Variants in EPS15 observed in about 807,000 individuals in gnomAD.
EPS15 encodes the protein epidermal growth factor receptor pathway substrate 15, also known as epidermal growth factor receptor substrate 15.
A neutral mutation model predicts 113.8 loss-of-function variants in EPS15; 72 were observed. The ratio of observed to expected loss-of-function variants is 0.63; its 90% confidence interval spans 0.52 to 0.77. The LOEUF is 0.77. EPS15 is among the 30% of genes least tolerant of loss of function. The pLI, the probability that EPS15 is intolerant of heterozygous loss-of-function variation, is 0.00. For synonymous variants in EPS15, 344 were observed against 363.4 expected (o/e 0.95, Z 0.61); for missense variants, 1,048 against 1,045.8 (o/e 1.00, Z -0.03).
intron 21 of EPS15, among the ~76,000 whole-genome samples, chr1:51,374,518 C>T (rs1311416991): frequency 6.6e-6 from 1 of 151,998 alleles, no homozygotes; most frequent in South Asian, 2.1e-4. Context: ...GCAGGAGAAT[C>T]GCTTGAACCT....
At chr1:51,508,382 A>G (rs955215904) in intron 1 of EPS15, among the ~76,000 whole-genome samples, 1 of 147,000 alleles carries the variant, frequency 6.8e-6, no homozygotes, top group African/African-American at 2.6e-5. Context: ...GAAAGAAAGA[A>G]AGAGAAAATT....
rs768241533 is a variant in EPS15 at position 51,402,478 on chromosome 1, T to C, written c.1839A>G (p.Ala613=). 1 of 1,591,994 alleles carries C rather than the reference T, an allele frequency of 6.3e-7. No homozygotes were observed. Among genetic ancestry groups the C allele is most frequent in the Non-Finnish European group, 8.6e-7 (1 of 1,166,194 alleles). The part of the protein sequence containing the change: ...VDSSSLTGPV[A]DTNLDFFQSD... ...ACTGGAAAAAATCCAAGTTTGTATC[T>C]GCAACTGGACCTGTCAGCGAACTTG... is the stretch of plus-strand genomic sequence containing the variant. The change falls in exon 18 of 25, where the codon GCA becomes GCG. Residue 613 remains alanine, a synonymous_variant. Coordinates refer to ENST00000371733, the MANE Select transcript of EPS15 (RefSeq NM_001981.3).
At chr1:51,455,450 C>A (rs1034373459) in intron 8 of EPS15, among the ~76,000 whole-genome samples, 1 of 151,958 alleles carries the variant, frequency 6.6e-6, no homozygotes, top group African/African-American at 2.4e-5. Context: ...ATTAGCCAGG[C>A]GTGGTGGCGG....
intron 1 of EPS15, among the ~76,000 whole-genome samples, chr1:51,491,232 T>C (rs1644227274): frequency 6.6e-6 from 1 of 152,302 alleles, no homozygotes; most frequent in East Asian, 1.9e-4. Flanking sequence ...TTCTGACATA[T>C]TAACACATAA....
Position 51,356,465 on chromosome 1 carries a change from C to A in EPS15, c.*235G>T. ...AGCTCACAGTAAATGTATACCAGAACAGGGGCCTAAGTGAAGGTGAATTTG... is the reference window on the plus strand; with the variant it reads ...AGCTCACAGTAAATGTATACCAGAAAAGGGGCCTAAGTGAAGGTGAATTTG... On this transcript the variant is annotated 3_prime_UTR_variant, in exon 25 of 25. Transcript: ENST00000371733. 2.3e-6 allele frequency: 1 copy of A among 434,772 alleles called. No individual in the cohort carries two copies. Among genetic ancestry groups the A allele is most frequent in the South Asian group, 3.1e-5 (1 of 32,552 alleles). The allele number at this position is 434,772 out of a possible 1,614,324, so 26.9% of individuals were successfully genotyped here. A position where few individuals can be genotyped will look rare whatever the true frequency, so the allele number is the denominator to read the frequency against.
At chr1:51,387,106 C>T (rs962964903) in intron 21 of EPS15, among the ~76,000 whole-genome samples, 1 of 152,196 alleles carries the variant, frequency 6.6e-6, no homozygotes, top group Non-Finnish European at 1.5e-5. Flanking sequence ...GCCCATCAGA[C>T]TAACAGCGGA....
intron 24 of EPS15, among the ~76,000 whole-genome samples, chr1:51,360,028 T>TA (rs1470547436): frequency 1.3e-5 from 2 of 152,000 alleles, no homozygotes; most frequent in Admixed American, 6.5e-5. Context: ...TACAGGTGCT[T>TA]AAAGCACTTT....
intron 1 of EPS15, among the ~76,000 whole-genome samples, chr1:51,492,529 A>C (rs972709634): frequency 1.3e-5 from 2 of 152,342 alleles, no homozygotes. Context: ...AAAACGATGG[A>C]TGTAAAGACC....
chr1:51,402,412 A>C (rs1458745184), intron 18 of EPS15, 23 bp downstream of exon 18: 1 of 1,286,764 alleles, frequency 7.8e-7, no homozygotes, highest in South Asian at 1.3e-5. Context: ...GTAAATCTAT[A>C]ATATAAAAAA....
intron 1 of EPS15, among the ~76,000 whole-genome samples, chr1:51,504,301 T>C (rs1197914987): frequency 6.6e-6 from 1 of 152,062 alleles, no homozygotes; most frequent in Non-Finnish European, 1.5e-5. Flanking sequence ...TCCCAGCTAC[T>C]GGGGAGGCTG....
intron 1 of EPS15, among the ~76,000 whole-genome samples, chr1:51,513,992 A>G (rs962601215): frequency 6.6e-6 from 1 of 152,180 alleles, no homozygotes; most frequent in African/African-American, 2.4e-5. Flanking sequence ...GAAGGAATAC[A>G]TTCTCACTGT....
At chr1:51,518,700 G>A (rs923061549) in intron 1 of EPS15, among the ~76,000 whole-genome samples, 11 of 152,124 alleles carry the variant, frequency 7.2e-5, no homozygotes, top group Non-Finnish European at 1.3e-4. Flanking sequence ...TGGCTTGGGG[G>A]GCCTGCGCGT....
intron 5 of EPS15, among the ~76,000 whole-genome samples, chr1:51,466,154 A>G (rs1654827946): frequency 6.6e-6 from 1 of 150,796 alleles, no homozygotes; most frequent in African/African-American, 2.5e-5. Flanking sequence ...GGATAAATAG[A>G]TCAATAGGTA....
At chr1:51,467,783 T>C (rs896293769) in intron 5 of EPS15, among the ~76,000 whole-genome samples, 1 of 152,120 alleles carries the variant, frequency 6.6e-6, no homozygotes, top group African/African-American at 2.4e-5. Context: ...GGTTGCATGC[T>C]ACTTATAAGA....
chr1:51,489,348 G>A (rs113544672), intron 1 of EPS15, among the ~76,000 whole-genome samples: 4,392 of 145,360 alleles, frequency 0.03, 74 homozygotes, highest in African/African-American at 0.051. Flanking sequence ...TGGAGATGGC[G>A]TCTCCCTCCG....
chr1:51,457,510 C>CTTTTT (rs34245440), intron 8 of EPS15: 2 of 70,726 alleles, frequency 2.8e-5, no homozygotes, highest in Non-Finnish European at 5.4e-5. Flanking sequence ...GGAATATTAT[C>CTTTTT]TTTTTTTTTT....
At chr1:51,518,998 C>A (rs1644787544) in intron 1 of EPS15, among the ~76,000 whole-genome samples, 1 of 151,138 alleles carries the variant, frequency 6.6e-6, no homozygotes, top group Non-Finnish European at 1.5e-5. Context: ...TGGGCGAGGT[C>A]GCGGCGGCCG....
intron 13 of EPS15, among the ~76,000 whole-genome samples, chr1:51,409,914 TGGA>T (rs1194929566): frequency 6.6e-6 from 1 of 152,066 alleles, no homozygotes; most frequent in Non-Finnish European, 1.5e-5. Flanking sequence ...AATCTGTCCT[TGGA>T]CATGTGATGG....
rs537594034 is a variant in EPS15 at position 51,388,872 on chromosome 1, C to T, written c.2119+5509G>A. 1.4e-4 allele frequency among the ~76,000 whole-genome samples: 22 copies of T among 151,982 alleles called. No homozygotes were observed. In the East Asian group the frequency reaches 1.5e-3, roughly 11 times the overall value. On this transcript the variant is annotated intron_variant, in intron 21 of 24. Coordinates refer to ENST00000371733, the MANE Select transcript of EPS15 (RefSeq NM_001981.3). Reference sequence around the variant, plus strand: ...GTCCAGGACCAGATGGATTCACAGCCGAATTCTACCAGAGGTACAAGGAGG... The same window carrying T: ...GTCCAGGACCAGATGGATTCACAGCTGAATTCTACCAGAGGTACAAGGAGG...
Sources: allele counts gnomAD v4.1 joint callset (sites outside exome capture counted in the v4.1 genomes callset), GRCh38; gene constraint gnomAD v4.1.1; transcripts MANE v1.5; gene names NCBI Gene and HGNC (gene_info 2026-07-23, HGNC 2026-07-21).